Variants in TET1 observed in about 807,000 individuals in gnomAD.
The protein encoded by TET1 is tet methylcytosine dioxygenase 1.
Under a neutral mutation model 148.7 loss-of-function variants are expected in TET1, and 13 were observed. The observed-to-expected ratio is 0.09, with a 90% CI of 0.06 to 0.14. The LOEUF (loss-of-function observed/expected upper bound fraction) is 0.14, where lower values mean the gene tolerates loss of function less well. TET1 is among the 10% of genes least tolerant of loss of function. The probability of loss-of-function intolerance (pLI) is 1.00; values close to 1 mark genes in which losing one functional copy is unlikely to be tolerated. For missense variants in TET1, 2,182 were observed against 2,553.8 expected (o/e 0.85, Z 3.14); for synonymous variants, 907 against 937.2 (o/e 0.97, Z 0.59).
intron 3 of TET1, among the ~76,000 whole-genome samples, chr10:68,620,161 C>T (rs150754317): frequency 4.1e-4 from 62 of 152,248 alleles, no homozygotes; most frequent in African/African-American, 1.2e-3. Context: ...CCAGCTTGAG[C>T]GACAGAGCGA....
chr10:68,671,612 ATATGGT>A lies in TET1; in HGVS notation c.4674-1282_4674-1277del, dbSNP rs570754270. Among the ~76,000 whole-genome samples, 32 of 152,296 alleles carry A rather than the reference ATATGGT, an allele frequency of 2.1e-4. 3 individuals are homozygous for A. In the South Asian group the frequency reaches 6.4e-3, roughly 31 times the overall value. Reference sequence around the variant, plus strand: ...ACAGTTTTATAACTACAAGAAGAATATATGGTACTTTCGTTGTCATTCTTAGCATAT... The same window carrying A: ...ACAGTTTTATAACTACAAGAAGAATAACTTTCGTTGTCATTCTTAGCATAT... On this transcript the variant is annotated intron_variant, in intron 7 of 11. Transcript: ENST00000373644.
chr10:68,680,722 A>G (rs1244095836), intron 8 of TET1, among the ~76,000 whole-genome samples: 1 of 152,244 alleles, frequency 6.6e-6, no homozygotes, highest in African/African-American at 2.4e-5. Context: ...TTGAGTGTTA[A>G]TGGTCCTCAT....
chr10:68,634,045 T>A (rs1033738216), intron 3 of TET1, among the ~76,000 whole-genome samples: 5 of 152,066 alleles, frequency 3.3e-5, no homozygotes, highest in Admixed American at 2.6e-4. Context: ...CCACTACACC[T>A]GGCTGATTTT....
At chr10:68,623,743 C>T (rs1317147731) in intron 3 of TET1, among the ~76,000 whole-genome samples, 2 of 152,206 alleles carry the variant, frequency 1.3e-5, no homozygotes, top group African/African-American at 4.8e-5. Context: ...CAGACCATCC[C>T]TGATGATTCC....
chr10:68,639,447 ACT>A (rs1564984306), intron 3 of TET1, among the ~76,000 whole-genome samples: 4 of 130,896 alleles, frequency 3.1e-5, no homozygotes, highest in African/African-American at 5.6e-5. Context: ...TATTATTATT[ACT>A]ACTACTACTA....
rs2053683345 is a variant in TET1, at chr10:68,572,664, C to G, written c.326C>G (p.Thr109Ser). The G allele has an allele frequency of 1.2e-6, 2 of 1,614,104 alleles. No individual in the cohort carries two copies. The highest frequency in any genetic ancestry group is 1.7e-5 in the Admixed American group (1 of 60,000). The change falls in exon 2 of 12, where the codon ACC (threonine) becomes AGC (serine). Residue 109 changes from threonine to serine, a missense_variant. Physicochemically the swap from Thr to Ser is moderately conservative, Grantham distance 58. Coordinates refer to ENST00000373644, the MANE Select transcript of TET1 (RefSeq NM_030625.3). ...GGGTTTACAATGGCGCTACGAAGCA[C>G]CTCTCTTAGCAGGCGACTCTCCCAA... ...CNGFTMALRSTSLSRRLSQPP... is the reference protein window; with the variant it reads ...CNGFTMALRSSSLSRRLSQPP...
chr10:68,680,892 G>C (rs892666413), intron 8 of TET1, among the ~76,000 whole-genome samples: 3 of 152,098 alleles, frequency 2.0e-5, no homozygotes, highest in Non-Finnish European at 2.9e-5. Flanking sequence ...TAATATTCCT[G>C]TTTCATGGGC....
chr10:68,603,961 G>T (rs2054090818), intron 3 of TET1, among the ~76,000 whole-genome samples: 1 of 152,200 alleles, frequency 6.6e-6, no homozygotes, highest in Admixed American at 6.5e-5. Flanking sequence ...AGTGGTGGGT[G>T]GGGGTAGCTC....
At chr10:68,667,278 T>C (rs1222831252) in intron 7 of TET1, 22 bp downstream of exon 7, 2 of 1,581,620 alleles carry the variant, frequency 1.3e-6, no homozygotes, top group East Asian at 4.6e-5. Flanking sequence ...TGTTTTATAC[T>C]GCCTTACCAT....
chr10:68,637,031 C>T (rs2054662951), intron 3 of TET1, among the ~76,000 whole-genome samples: 1 of 150,942 alleles, frequency 6.6e-6, no homozygotes, highest in Non-Finnish European at 1.5e-5. Context: ...CAGAGTCTTG[C>T]TCTGTCACCC....
rs780736809 is a variant in TET1 at position 68,691,124 on chromosome 10, G to A, written c.5721G>A (p.Val1907=). 3 of 1,614,180 alleles carry A rather than the reference G, an allele frequency of 1.9e-6. No individual in the cohort carries two copies. The highest frequency in any genetic ancestry group is 2.5e-6 in the Non-Finnish European group (3 of 1,180,030). The part of the protein sequence containing the change: ...DGPGISQLGE[V]APLPTLSAPV... ...CTGGCATTTCACAGCTTGGCGAAGT[G>A]GCTCCTCTCCCCACCCTGTCTGCTC... The change falls in exon 12 of 12, where the codon GTG becomes GTA. Residue 1907 remains valine (V), a synonymous_variant. Coordinates refer to ENST00000373644, the MANE Select transcript of TET1 (RefSeq NM_030625.3). The surrounding 1 kb of genome is among the most constrained non-coding windows in gnomAD (Gnocchi z 4.4).
intron 2 of TET1, among the ~76,000 whole-genome samples, chr10:68,587,333 A>G (rs753622400): frequency 6.6e-6 from 1 of 152,186 alleles, no homozygotes; most frequent in Non-Finnish European, 1.5e-5. Context: ...AAGCCATGGA[A>G]TTTTGGATGG....
intron 2 of TET1, among the ~76,000 whole-genome samples, chr10:68,579,832 C>T (rs753364230): frequency 1.3e-5 from 2 of 152,124 alleles, no homozygotes; most frequent in Non-Finnish European, 2.9e-5. Context: ...GCATACATTT[C>T]CCCAGTGCAT....
chr10:68,616,156 A>C (rs1265645396), intron 3 of TET1, among the ~76,000 whole-genome samples: 2 of 152,210 alleles, frequency 1.3e-5, no homozygotes, highest in Non-Finnish European at 2.9e-5. Context: ...ATACAATGCT[A>C]TTATTTCATC....
At chr10:68,662,181 G>T (rs2055129881) in intron 6 of TET1, among the ~76,000 whole-genome samples, 1 of 151,816 alleles carries the variant, frequency 6.6e-6, no homozygotes, top group Admixed American at 6.6e-5. Flanking sequence ...CCTAATTTTT[G>T]TATTTTTAGT....
At chr10:68,654,342 G>T (rs980724575) in intron 6 of TET1, among the ~76,000 whole-genome samples, 1 of 151,370 alleles carries the variant, frequency 6.6e-6, no homozygotes, top group Admixed American at 6.6e-5. Flanking sequence ...TAGGCCAGGC[G>T]CAGTGGCTCA....
chr10:68,601,075 A>C (rs565395454), intron 3 of TET1, 41 bp downstream of exon 3: 21 of 1,542,362 alleles, frequency 1.4e-5, no homozygotes, highest in Non-Finnish European at 1.8e-5. Context: ...TTATTTTTCC[A>C]TTTCATATAG....
chr10:68,660,491 C>A (rs1251110056), intron 6 of TET1, among the ~76,000 whole-genome samples: 1 of 151,780 alleles, frequency 6.6e-6, no homozygotes, highest in African/African-American at 2.4e-5. Context: ...AGGTGTCCCC[C>A]AGCCAAGCCC....
chr10:68,682,904 C>A lies in TET1; in HGVS notation c.4983C>A (p.Val1661=). The stretch of plus-strand genomic sequence containing the variant: ...AGGAAGGTCGTCCCTTCTCTGGGGT[C>A]ACTGCTTGCCTGGACTTCTGTGCTC... The part of the protein sequence containing the change: ...GSKEGRPFSG[V]TACLDFCAHP... Residue 1661 remains valine (V), a synonymous_variant, in exon 10 of 12, where the codon GTC becomes GTA. Transcript: ENST00000373644. The A allele has an allele frequency of 6.2e-7, 1 of 1,613,888 alleles. No individual in the cohort carries two copies. Among genetic ancestry groups the A allele is most frequent in the South Asian group, 1.1e-5 (1 of 91,002 alleles).
Sources: gnomAD v4.1 joint callset for allele counts (sites outside exome capture counted in the v4.1 genomes callset) on GRCh38, gnomAD v4.1.1 for gene constraint, Gnocchi (gnomAD v3.1) non-coding constraint, MANE v1.5 for transcripts, NCBI Gene and HGNC (gene_info 2026-07-23, HGNC 2026-07-21) for gene names.